The following ESCO1 variants were observed in gnomAD, a reference collection of about 807,000 sequenced individuals.
ESCO1 encodes establishment of sister chromatid cohesion N-acetyltransferase 1, also known as N-acetyltransferase ESCO1.
Under a neutral mutation model 83.5 loss-of-function variants are expected in ESCO1, and 33 were observed. The ratio of observed to expected loss-of-function variants is 0.40; its 90% CI spans 0.30 to 0.53. ESCO1 has a LOEUF of 0.53. ESCO1 is among the 20% of genes least tolerant of loss of function. The pLI is 0.63. For missense variants in ESCO1, 855 were observed against 968.0 expected (o/e 0.88, Z 1.55); for synonymous variants, 332 against 324.3 (o/e 1.02, Z -0.25).
chr18:21,565,033 G>T (rs1366232047), intron 6 of ESCO1, among the ~76,000 whole-genome samples: 1 of 152,010 alleles, frequency 6.6e-6, no homozygotes, highest in Non-Finnish European at 1.5e-5. Flanking sequence ...CCGAAATCAC[G>T]CCACTGCACT....
rs868324452 is a variant in ESCO1, at chr18:21,574,778, C to T, written c.66G>A (p.Lys22=). Reference sequence around the variant, plus strand: ...AATCCTGAATTTCTGTTTCTGAATTCTTATCGTCACTTTTTTTAGTAACTT... The same window carrying T: ...AATCCTGAATTTCTGTTTCTGAATTTTTATCGTCACTTTTTTTAGTAACTT... ...SSKVTKKSDD[K]NSETEIQDSQ... is the part of the protein sequence containing the mutation. Residue 22 remains lysine, a synonymous_variant, in exon 4 of 12, where the codon AAG becomes AAA. Coordinates refer to ENST00000269214, the MANE Select transcript of ESCO1 (RefSeq NM_052911.3). 1 of 1,603,334 alleles carries T rather than the reference C, an allele frequency of 6.2e-7. No individual in the cohort carries two copies. Among genetic ancestry groups the T allele is most frequent in the East Asian group, 2.2e-5 (1 of 44,836 alleles).
intron 2 of ESCO1, among the ~76,000 whole-genome samples, chr18:21,582,494 G>A (rs1319711686): frequency 1.3e-5 from 2 of 152,124 alleles, no homozygotes; most frequent in Non-Finnish European, 2.9e-5. Flanking sequence ...GCCTCTGAAA[G>A]TGCTGACATT....
At chr18:21,599,105 G>T (rs1467241612) in intron 1 of ESCO1, among the ~76,000 whole-genome samples, 1 of 152,004 alleles carries the variant, frequency 6.6e-6, no homozygotes, top group Non-Finnish European at 1.5e-5. Flanking sequence ...ACTTTTGGAG[G>T]CCCAGGTGAT....
Position 21,549,517 on chromosome 18 carries a change from C to T in ESCO1, c.1954-9508G>A, listed in dbSNP as rs550179528. Among the ~76,000 whole-genome samples, 4 of 152,064 alleles carry T rather than the reference C, an allele frequency of 2.6e-5. No homozygotes were observed. In the South Asian group the frequency reaches 8.3e-4, roughly 32 times the overall value. The stretch of plus-strand genomic sequence containing the variant: ...GCAATCTCCGCCTCCAGGGGTCAAG[C>T]GATTCTCATGCCTCAGTCTCCCAAG... On this transcript the variant is annotated intron_variant, in intron 8 of 11. Transcript: ENST00000269214.
intron 8 of ESCO1, among the ~76,000 whole-genome samples, chr18:21,545,279 A>C (rs1310732752): frequency 1.3e-5 from 2 of 152,174 alleles, no homozygotes; most frequent in Non-Finnish European, 1.5e-5. Flanking sequence ...AATTTTACTT[A>C]AAAACAATTA....
intron 7 of ESCO1, among the ~76,000 whole-genome samples, chr18:21,561,414 A>G (rs982670732): frequency 7.2e-5 from 11 of 151,930 alleles, no homozygotes; most frequent in African/African-American, 2.7e-4. Context: ...ATGTGCCACC[A>G]TGTCTGGCTA....
intron 8 of ESCO1, among the ~76,000 whole-genome samples, chr18:21,545,356 C>T (rs1330653784): frequency 6.6e-6 from 1 of 152,014 alleles, no homozygotes; most frequent in African/African-American, 2.4e-5. Flanking sequence ...GGAAGATCGC[C>T]TGAGGTCAGG....
chr18:21,585,554 AC>A (rs2038563514), intron 1 of ESCO1, among the ~76,000 whole-genome samples: 2 of 152,206 alleles, frequency 1.3e-5, no homozygotes, highest in African/African-American at 4.8e-5. Context: ...TACCAGGACT[AC>A]ACAATCTTGA....
intron 9 of ESCO1, among the ~76,000 whole-genome samples, chr18:21,538,931 T>C (rs887072303): frequency 6.6e-6 from 1 of 152,032 alleles, no homozygotes; most frequent in Non-Finnish European, 1.5e-5. Context: ...TAAGTTTACC[T>C]TTTGGTTCCT....
intron 10 of ESCO1, among the ~76,000 whole-genome samples, chr18:21,534,505 G>C (rs1374317556): frequency 6.6e-6 from 1 of 152,178 alleles, no homozygotes; most frequent in East Asian, 1.9e-4. Flanking sequence ...GCAGTTTCTA[G>C]TAACACTCAT....
chr18:21,581,927 A>G (rs1271874552), intron 2 of ESCO1, among the ~76,000 whole-genome samples: 2 of 151,968 alleles, frequency 1.3e-5, no homozygotes, highest in African/African-American at 2.4e-5. Flanking sequence ...TAAAAAAAAA[A>G]AAAGAAAAAA....
At chr18:21,556,774 C>T (rs1366608558) in intron 8 of ESCO1, among the ~76,000 whole-genome samples, 3 of 152,122 alleles carry the variant, frequency 2.0e-5, no homozygotes, top group South Asian at 2.1e-4. Flanking sequence ...GATCTCGGCT[C>T]ACTGCAACCT....
intron 7 of ESCO1, 103 bp from the exon 8 acceptor site, chr18:21,561,093 A>C: frequency 9.1e-7 from 1 of 1,103,042 alleles, no homozygotes. Context: ...GAATTGTTTA[A>C]TCTACATGAA....
chr18:21,571,540 A>G (rs1324110234), intron 4 of ESCO1, among the ~76,000 whole-genome samples: 1 of 152,206 alleles, frequency 6.6e-6, no homozygotes, highest in Admixed American at 6.5e-5. Context: ...ATAAATTCAA[A>G]GTATCTTTCA....
chr18:21,574,305 A>G lies in ESCO1; in HGVS notation c.539T>C (p.Leu180Pro). Residue 180 changes from leucine (L) to proline (P), a missense_variant, in exon 4 of 12, where the codon CTG (leucine) becomes CCG (proline). Physicochemically the swap from Leu to Pro is moderately conservative, Grantham distance 98. Transcript: ENST00000269214. The part of the protein sequence containing the change: ...TSQKHVKRKV[L>P]EVKSDSKEDE... ...TTCTTTAGAGTCAGACTTTACTTCC[A>G]GTACTTTTCTCTTCACATGTTTTTG... The G allele has an allele frequency of 6.2e-7, 1 of 1,613,756 alleles. No homozygotes were observed. Among genetic ancestry groups the G allele is most frequent in the South Asian group, 1.1e-5 (1 of 91,062 alleles).
intron 1 of ESCO1, among the ~76,000 whole-genome samples, chr18:21,588,139 T>C (rs1042324006): frequency 6.7e-6 from 1 of 149,910 alleles, no homozygotes; most frequent in Non-Finnish European, 1.5e-5. Flanking sequence ...GGTGGGTGGA[T>C]TTGTCCTATC....
rs567940030 is a variant in ESCO1 at position 21,539,501 on chromosome 18, T to C, written c.2043+419A>G. Among the ~76,000 whole-genome samples the C allele has an allele frequency of 2.0e-5, 3 of 152,342 alleles. No individual in the cohort carries two copies. In the East Asian group the frequency reaches 5.8e-4, roughly 29 times the overall value. The stretch of plus-strand genomic sequence containing the variant: ...ATACCCTTTAAACGCTTATTTCTTG[T>C]TTTCAGAATAGGTGTTTCAATATAC... On this transcript the variant is annotated intron_variant, in intron 9 of 11. Coordinates refer to ENST00000269214, the MANE Select transcript of ESCO1 (RefSeq NM_052911.3).
intron 1 of ESCO1, among the ~76,000 whole-genome samples, chr18:21,590,368 C>T (rs1022544824): frequency 5.3e-5 from 8 of 151,662 alleles, no homozygotes; most frequent in African/African-American, 1.7e-4. Context: ...ACTACAGGCA[C>T]GCGCCACCAC....
intron 10 of ESCO1, among the ~76,000 whole-genome samples, chr18:21,534,272 C>T (rs928228526): frequency 6.6e-5 from 10 of 152,126 alleles, no homozygotes; most frequent in African/African-American, 2.4e-4. Flanking sequence ...AAGGTCATCG[C>T]CAAGGTCTTA....
Sources: gnomAD v4.1 joint callset for allele counts (sites outside exome capture counted in the v4.1 genomes callset) on GRCh38, gnomAD v4.1.1 for gene constraint, MANE v1.5 for transcripts, NCBI Gene and HGNC (gene_info 2026-07-23, HGNC 2026-07-21) for gene names.